ANAPC1: variants seen among roughly 807,000 people sequenced by gnomAD.
ANAPC1 encodes the protein anaphase promoting complex subunit 1.
ANAPC1 carries 36 observed loss-of-function variants against 208.0 expected under a neutral mutation model. The ratio of observed to expected loss-of-function variants is 0.17; its 90% confidence interval spans 0.13 to 0.23. The LOEUF (loss-of-function observed/expected upper bound fraction) is 0.23, where lower values mean the gene tolerates loss of function less well. Ranked by LOEUF, ANAPC1 falls within the 10% of genes least tolerant of loss-of-function variation. The pLI is 1.00. For synonymous variants in ANAPC1, 378 were observed against 695.2 expected, an observed-to-expected ratio of 0.54 and a Z score of 7.18; for missense variants, 942 against 2,011.6, an observed-to-expected ratio of 0.47 and a Z score of 10.17.
chr2:111,828,257 T>A (rs1210025694), intron 21 of ANAPC1, among the ~76,000 whole-genome samples: 1 of 152,120 alleles, frequency 6.6e-6, no homozygotes, highest in Non-Finnish European at 1.5e-5. Context: ...GCTATAATTT[T>A]TAAAAAAACA....
intron 2 of ANAPC1, chr2:111,880,405 A>C: frequency 9.7e-7 from 1 of 1,032,372 alleles, no homozygotes; most frequent in Non-Finnish European, 1.3e-6. Context: ...AAAATAAATA[A>C]AACCACAAGT....
intron 21 of ANAPC1, among the ~76,000 whole-genome samples, chr2:111,828,412 C>T (rs1389087659): frequency 6.6e-6 from 1 of 152,170 alleles, no homozygotes; most frequent in African/African-American, 2.4e-5. Context: ...GAACTACCTA[C>T]CATATGACCC....
intron 38 of ANAPC1, among the ~76,000 whole-genome samples, chr2:111,788,874 C>T (rs1218402565): frequency 1.3e-5 from 2 of 152,024 alleles, no homozygotes; most frequent in Admixed American, 1.3e-4. Context: ...CGCGGTGGCT[C>T]ACGCCTGTAA....
At chr2:111,853,662 T>TC (rs1681534703) in intron 13 of ANAPC1, among the ~76,000 whole-genome samples, 1 of 151,216 alleles carries the variant, frequency 6.6e-6, no homozygotes, top group African/African-American at 2.4e-5. Flanking sequence ...TTTGTCCTCC[T>TC]CCCATGGATC....
At chr2:111,867,552 C>G (rs1199761400) in intron 7 of ANAPC1, among the ~76,000 whole-genome samples, 1 of 150,140 alleles carries the variant, frequency 6.7e-6, no homozygotes, top group African/African-American at 2.5e-5. Flanking sequence ...ATTAGCCAGG[C>G]ATGGTGGCGT....
At chr2:111,852,531 T>C (rs551956137) in intron 13 of ANAPC1, among the ~76,000 whole-genome samples, 15 of 152,304 alleles carry the variant, frequency 9.8e-5, no homozygotes, top group East Asian at 5.8e-4. Flanking sequence ...AGTGAAAATT[T>C]TGAATGTCCC....
rs181219685 is a variant in ANAPC1, at chr2:111,851,106, A to T, written c.1516-196T>A. Among the ~76,000 whole-genome samples the T allele has an allele frequency of 1.5e-3, 220 of 146,716 alleles. 5 individuals carry two copies. The East Asian group carries it at 0.034, about 23-fold the overall frequency. On this transcript the variant is annotated intron_variant, in intron 13 of 47. Transcript: ENST00000341068. ...ATCCAACTGCAAATATGTTGGTATAATTTTTTTTTTTTTTGAGATAAGATC... is the reference window on the plus strand; with the variant it reads ...ATCCAACTGCAAATATGTTGGTATATTTTTTTTTTTTTTTGAGATAAGATC...
At chr2:111,849,333 A>G (rs1681265151) in intron 14 of ANAPC1, among the ~76,000 whole-genome samples, 1 of 152,026 alleles carries the variant, frequency 6.6e-6, no homozygotes, top group South Asian at 2.1e-4. Flanking sequence ...TTCCATTATA[A>G]AAGAAATTCT....
intron 10 of ANAPC1, among the ~76,000 whole-genome samples, 194 bp downstream of exon 10, chr2:111,862,195 C>T (rs1339693332): frequency 1.3e-5 from 2 of 152,084 alleles, no homozygotes; most frequent in African/African-American, 4.8e-5. Context: ...TGAACCACCA[C>T]GTCCAGCCTA....
chr2:111,783,319 C>T (rs2685996), intron 42 of ANAPC1, among the ~76,000 whole-genome samples: 1 of 151,534 alleles, frequency 6.6e-6, no homozygotes, highest in African/African-American at 2.4e-5. Context: ...TTGGGGGTGA[C>T]TGGATCATGG....
rs532832214 is a variant in ANAPC1, at chr2:111,833,325, G to A, written c.2385-14C>T. The A allele has an allele frequency of 2.9e-5, 45 of 1,564,740 alleles. No homozygotes were observed. In the Middle Eastern group the frequency reaches 8.6e-4, roughly 30 times the overall value. ...AATTTTAAGTCCCTAAAACAGTAAG[G>A]GCATGTAAAAAAGAAGGTATTACAG... On this transcript the variant is annotated splice_polypyrimidine_tract_variant and intron_variant, in intron 19 of 47. Coordinates refer to ENST00000341068, the MANE Select transcript of ANAPC1 (RefSeq NM_022662.4).
At chr2:111,826,894 C>G (rs746688858) in intron 21 of ANAPC1, among the ~76,000 whole-genome samples, 1 of 152,102 alleles carries the variant, frequency 6.6e-6, no homozygotes, top group Non-Finnish European at 1.5e-5. Flanking sequence ...CTCCTGACCT[C>G]GTGATCCGCC....
chr2:111,794,211 A>G (rs765792844), intron 36 of ANAPC1, 22 bp downstream of exon 36: 26 of 1,588,922 alleles, frequency 1.6e-5, no homozygotes, highest in Admixed American at 5.5e-5. Context: ...AAAAGAACAC[A>G]GTAAACTAAA....
At chr2:111,832,031 A>G (rs868668050) in intron 20 of ANAPC1, among the ~76,000 whole-genome samples, 1 of 146,400 alleles carries the variant, frequency 6.8e-6, no homozygotes, top group Middle Eastern at 3.6e-3. Context: ...GGTGGCTAAC[A>G]CCTGTAATCC....
At chr2:111,839,023 A>T (rs1680623188) in intron 17 of ANAPC1, among the ~76,000 whole-genome samples, 1 of 152,180 alleles carries the variant, frequency 6.6e-6, no homozygotes, top group Non-Finnish European at 1.5e-5. Flanking sequence ...GACTACATAC[A>T]TACGTCTGCC....
chr2:111,826,509 T>A (rs1679839778), intron 21 of ANAPC1, among the ~76,000 whole-genome samples: 1 of 152,218 alleles, frequency 6.6e-6, no homozygotes, highest in Non-Finnish European at 1.5e-5. Context: ...TGAGATTCAT[T>A]CACGTCTCTC....
At position 111,832,957 on chromosome 2, in the gene ANAPC1, G is replaced by A. The variant is rs1483856606; in HGVS notation, c.2476+263C>T. ...AGTCTCAAAAAAAAAAAAAAAAAAA[G>A]CATCCTTGACCCTGGAAGCTTTCTC... On this transcript the variant is annotated intron_variant, in intron 20 of 47. Coordinates refer to ENST00000341068, the MANE Select transcript of ANAPC1 (RefSeq NM_022662.4). 7.4e-3 allele frequency among the ~76,000 whole-genome samples: 384 copies of A among 52,086 alleles called. 3 individuals are homozygous for A. The highest frequency in any genetic ancestry group is 0.01 in the Non-Finnish European group (218 of 21,614). 34.2% of individuals were successfully genotyped at this position (52,086 alleles called of 152,430 possible).
chr2:111,879,222 C>T (rs1683172508), intron 2 of ANAPC1, among the ~76,000 whole-genome samples: 1 of 152,100 alleles, frequency 6.6e-6, no homozygotes, highest in African/African-American at 2.4e-5. Context: ...AAAACAAAAA[C>T]GAACAAAAAG....
intron 46 of ANAPC1, 150 bp from the exon 47 acceptor site, chr2:111,772,625 G>T (rs1676802683): frequency 5.8e-6 from 3 of 519,814 alleles, no homozygotes; most frequent in East Asian, 6.7e-5. Flanking sequence ...ACTCTGACAA[G>T]CTAGACTGAG....
Sources: allele counts gnomAD v4.1 joint callset (sites outside exome capture counted in the v4.1 genomes callset), GRCh38; gene constraint gnomAD v4.1.1; transcripts MANE v1.5; gene names NCBI Gene and HGNC (gene_info 2026-07-23, HGNC 2026-07-21).